The following MID1 variants were observed in gnomAD, a reference collection of about 807,000 sequenced individuals.
MID1 encodes the protein E3 ubiquitin-protein ligase Midline-1.
MID1 carries 7 observed loss-of-function variants against 40.4 expected under a neutral mutation model. The observed-to-expected ratio is 0.17, with a 90% CI of 0.10 to 0.33. MID1 has a LOEUF of 0.33. Among genes scored for constraint, MID1 ranks in the 10% least tolerant of loss-of-function variants. MID1 has a pLI of 1.00. For missense variants in MID1, 367 were observed against 558.5 expected, an observed-to-expected ratio of 0.66 and a Z score of 3.46; for synonymous variants, 229 against 221.2, an observed-to-expected ratio of 1.04 and a Z score of -0.31.
chrX:10,745,423 G>A (rs961025467), intron 1 of MID1, among the ~76,000 whole-genome samples: 12 of 111,905 alleles, frequency 1.1e-4, no homozygotes, highest in African/African-American at 2.9e-4. Context: ...ATCTGCAGCC[G>A]AGTGGCATTG....
rs1932907313 is a variant in MID1 at position 10,529,653 on chromosome X, T to C, written c.661-6466A>G. 2.7e-5 allele frequency among the ~76,000 whole-genome samples: 3 copies of C among 111,779 alleles called. No individual in the cohort carries two copies. The South Asian group carries it at 1.1e-3, about 42-fold the overall frequency. ...TGTGCTCCTGCCATTGTGAACAAGCTGTTTTATGGATCCAGGCTTGTTTCT... is the reference window on the plus strand; with the variant it reads ...TGTGCTCCTGCCATTGTGAACAAGCCGTTTTATGGATCCAGGCTTGTTTCT... On this transcript the variant is annotated intron_variant, in intron 2 of 9. Transcript: ENST00000317552.
chrX:10,726,121 C>T (rs1196528895), intron 1 of MID1, among the ~76,000 whole-genome samples: 1 of 111,600 alleles, frequency 9.0e-6, no homozygotes, highest in South Asian at 3.7e-4. Context: ...ATTATACGTT[C>T]TGAGATTTTT....
chrX:10,469,985 A>ATATC, intron 6 of MID1, 145 bp from the exon 7 acceptor site: 1 of 527,259 alleles, frequency 1.9e-6, no homozygotes, highest in East Asian at 3.5e-5. Flanking sequence ...AATCTAAAGA[A>ATATC]TATCTGATTG....
chrX:10,709,064 G>A (rs929504053), intron 1 of MID1, among the ~76,000 whole-genome samples: 1 of 112,481 alleles, frequency 8.9e-6, no homozygotes, highest in Admixed American at 9.4e-5. Context: ...CATATCCTTT[G>A]TATAAAGTAA....
intron 1 of MID1, among the ~76,000 whole-genome samples, chrX:10,744,769 T>G (rs1441787487): frequency 9.0e-6 from 1 of 111,409 alleles, no homozygotes; most frequent in East Asian, 2.8e-4. Context: ...TCTCTTAATT[T>G]TAGGGAAATC....
intron 1 of MID1, among the ~76,000 whole-genome samples, chrX:10,808,417 C>T (rs893818750): frequency 6.3e-5 from 7 of 110,828 alleles, no homozygotes; most frequent in African/African-American, 2.3e-4. Context: ...CTCTCTATGA[C>T]ACTTGTCTCT....
rs1556005796 is a variant in MID1, at chrX:10,465,254, C to CAT, written c.1285+4442_1285+4443insAT. On this transcript the variant is annotated intron_variant, in intron 7 of 9. Coordinates refer to ENST00000317552, the MANE Select transcript of MID1 (RefSeq NM_000381.4). ...ACACACACACACACACACACACACA[C>CAT]ACACACATACATATATGAAAGAATA... Among the ~76,000 whole-genome samples the CAT allele has an allele frequency of 6.3e-3, 611 of 96,665 alleles. 11 individuals are homozygous for CAT. The highest frequency in any genetic ancestry group is 0.021 in the African/African-American group (525 of 24,526). The allele number at this position is 96,665 out of a possible 115,157, so 83.9% of individuals were successfully genotyped here.
intron 1 of MID1, among the ~76,000 whole-genome samples, chrX:10,635,526 T>C (rs1936099983): frequency 8.9e-6 from 1 of 111,905 alleles, no homozygotes; most frequent in Non-Finnish European, 1.9e-5. Flanking sequence ...TTTTCTGTAA[T>C]CTGTAGAAAA....
chrX:10,464,879 T>A (rs1024847695), intron 7 of MID1, among the ~76,000 whole-genome samples: 1 of 111,301 alleles, frequency 9.0e-6, no homozygotes, highest in African/African-American at 3.3e-5. Context: ...CCATGACGAT[T>A]TGATTTAAGA....
chrX:10,616,596 G>A (rs1435416667), intron 1 of MID1, among the ~76,000 whole-genome samples: 1 of 112,408 alleles, frequency 8.9e-6, no homozygotes, highest in South Asian at 3.7e-4. Context: ...TATGCACTTA[G>A]CCTTAAAACT....
intron 2 of MID1, among the ~76,000 whole-genome samples, chrX:10,538,473 G>A (rs910542073): frequency 4.5e-5 from 5 of 110,789 alleles, no homozygotes; most frequent in East Asian, 2.8e-4. Context: ...ACACATGGCC[G>A]TCAACGTAAT....
chrX:10,672,959 T>A (rs1160257298), intron 1 of MID1, among the ~76,000 whole-genome samples: 1 of 111,441 alleles, frequency 9.0e-6, no homozygotes, highest in Non-Finnish European at 1.9e-5. Flanking sequence ...GTGCTGGGAT[T>A]ACAAGTATGA....
intron 6 of MID1, among the ~76,000 whole-genome samples, chrX:10,472,724 T>C (rs965753976): frequency 8.9e-6 from 1 of 112,120 alleles, no homozygotes; most frequent in Non-Finnish European, 1.9e-5. Flanking sequence ...CTCCACCCCT[T>C]TCTTTTTGCC....
intron 2 of MID1, among the ~76,000 whole-genome samples, chrX:10,549,284 T>C (rs1344518148): frequency 8.9e-6 from 1 of 112,851 alleles, no homozygotes; most frequent in Non-Finnish European, 1.9e-5. Context: ...AGAAGTTGGG[T>C]ATGTTATAGA....
chrX:10,615,957 T>C (rs1162914949), intron 1 of MID1, among the ~76,000 whole-genome samples: 1 of 112,374 alleles, frequency 8.9e-6, no homozygotes, highest in Non-Finnish European at 1.9e-5. Context: ...GTATTTGATA[T>C]TCTCTTCCTT....
At chrX:10,817,562 TTC>T (rs1426061380) in intron 1 of MID1, among the ~76,000 whole-genome samples, 1 of 98,553 alleles carries the variant, frequency 1.0e-5, no homozygotes, top group Non-Finnish European at 2.0e-5. Flanking sequence ...CTTTCTTTCT[TTC>T]TTTCTTTCTC....
intron 1 of MID1, among the ~76,000 whole-genome samples, chrX:10,750,800 T>C (rs2043593014): frequency 9.0e-6 from 1 of 110,780 alleles, no homozygotes; most frequent in African/African-American, 3.3e-5. Context: ...GGTGTTGCCC[T>C]GACTAGAGTA....
At chrX:10,726,104 A>G (rs5978416) in intron 1 of MID1, among the ~76,000 whole-genome samples, 11,490 of 111,325 alleles carry the variant, frequency 0.1, 969 homozygotes, top group African/African-American at 0.28. Flanking sequence ...AATAAGACAT[A>G]TAGTAAATTA....
intron 1 of MID1, among the ~76,000 whole-genome samples, chrX:10,617,573 A>C (rs768047817): frequency 8.9e-6 from 1 of 112,210 alleles, no homozygotes; most frequent in Non-Finnish European, 1.9e-5. Context: ...GGATGTTAAA[A>C]ACACAAAATA....
Sources: gnomAD v4.1 joint callset for allele counts (sites outside exome capture counted in the v4.1 genomes callset) on GRCh38, gnomAD v4.1.1 for gene constraint, MANE v1.5 for transcripts, NCBI Gene and HGNC (gene_info 2026-07-23, HGNC 2026-07-21) for gene names.